The following USP15 variants were observed in gnomAD, a reference collection of about 807,000 sequenced individuals.
The protein encoded by USP15 is ubiquitin carboxyl-terminal hydrolase 15.
USP15 carries 18 observed loss-of-function variants against 127.1 expected under a neutral mutation model. The ratio of observed to expected loss-of-function variants is 0.14; its 90% CI spans 0.10 to 0.21. The LOEUF is 0.21. USP15 is among the 10% of genes least tolerant of loss of function. The probability of loss-of-function intolerance (pLI) is 1.00; values close to 1 mark genes in which losing one functional copy is unlikely to be tolerated. For missense variants in USP15, 805 were observed against 1,159.9 expected (o/e 0.69, Z 4.44); for synonymous variants, 364 against 393.7 (o/e 0.92, Z 0.89).
chr12:62,349,403 A>T (rs2065906344), intron 7 of USP15, 96 bp downstream of exon 7: 1 of 721,888 alleles, frequency 1.4e-6, no homozygotes, highest in Non-Finnish European at 2.0e-6. Flanking sequence ...AAAAGTCTTA[A>T]TGCATTAAAA....
Position 62,311,505 on chromosome 12 carries a change from A to G in USP15, c.349-3285A>G, listed in dbSNP as rs139429783. Among the ~76,000 whole-genome samples the G allele has an allele frequency of 2.6e-5, 4 of 151,940 alleles. No individual in the cohort carries two copies. The East Asian group carries it at 7.7e-4, about 29-fold the overall frequency. On this transcript the variant is annotated intron_variant, in intron 3 of 21. Coordinates refer to ENST00000280377, the MANE Select transcript of USP15 (RefSeq NM_001252078.2). ...TAATTGGGTATGAAAGTAGCCGTAA[A>G]CATAAATGAATGGGGGTTGTTGTGT...
intron 7 of USP15, among the ~76,000 whole-genome samples, chr12:62,353,630 T>C (rs1418594777): frequency 6.6e-6 from 1 of 152,048 alleles, no homozygotes; most frequent in Non-Finnish European, 1.5e-5. Context: ...TAAAATAATA[T>C]ACAGCAGATC....
chr12:62,350,317 A>T (rs144242597), intron 7 of USP15, among the ~76,000 whole-genome samples: 1 of 152,244 alleles, frequency 6.6e-6, no homozygotes, highest in African/African-American at 2.4e-5. Context: ...TTTATTTTCT[A>T]ACAGCTCAGA....
chr12:62,322,936 G>A (rs1440502502), intron 5 of USP15, among the ~76,000 whole-genome samples: 2 of 152,164 alleles, frequency 1.3e-5, no homozygotes, highest in African/African-American at 4.8e-5. Flanking sequence ...GCCTGATGAT[G>A]TAAACGTCTT....
chr12:62,345,249 C>A (rs561493079), intron 6 of USP15, among the ~76,000 whole-genome samples: 4 of 152,194 alleles, frequency 2.6e-5, no homozygotes, highest in Non-Finnish European at 5.9e-5. Context: ...TTCCCTAAAT[C>A]ATCTCTCCCA....
At chr12:62,381,450 A>C (rs2066988968) in intron 8 of USP15, 40 bp from the exon 9 acceptor site, 1 of 1,515,594 alleles carries the variant, frequency 6.6e-7, no homozygotes, top group African/African-American at 1.4e-5. Context: ...AAAATTCATT[A>C]TGATTACTTT....
intron 8 of USP15, among the ~76,000 whole-genome samples, chr12:62,364,782 A>C (rs1323263203): frequency 6.6e-6 from 1 of 150,922 alleles, no homozygotes; most frequent in East Asian, 1.9e-4. Context: ...TCATTTTTCA[A>C]CTCCCACTTA....
rs561609959 is a variant in USP15, at chr12:62,338,086, C to T, written c.684-11135C>T. Among the ~76,000 whole-genome samples, 4 of 152,272 alleles carry T rather than the reference C, an allele frequency of 2.6e-5. No individual in the cohort carries two copies. The East Asian group carries it at 7.7e-4, about 29-fold the overall frequency. On this transcript the variant is annotated intron_variant, in intron 6 of 21. Coordinates refer to ENST00000280377, the MANE Select transcript of USP15 (RefSeq NM_001252078.2). ...CTTCCACAATGGTTGAACTAATTTA[C>T]GGTCCCACCAGTAGTGTAAAAGCAT... is the stretch of plus-strand genomic sequence containing the variant.
At chr12:62,350,651 A>C (rs2065941355) in intron 7 of USP15, among the ~76,000 whole-genome samples, 1 of 152,034 alleles carries the variant, frequency 6.6e-6, no homozygotes, top group South Asian at 2.1e-4. Flanking sequence ...TTGAGGTAGG[A>C]TCTCACCCTG....
At chr12:62,362,306 T>A (rs1008744919) in intron 8 of USP15, among the ~76,000 whole-genome samples, 1 of 152,158 alleles carries the variant, frequency 6.6e-6, no homozygotes, top group South Asian at 2.1e-4. Context: ...TATATTCACA[T>A]GTTGTACAAT....
chr12:62,407,359 CAT>C lies in USP15; in HGVS notation c.*2986_*2987del, dbSNP rs1475950083. ...TCTCACTGTGTTATAGTGTCTGCCTCATAGGATTGTTGAGAGCTCAAATGAGA... is the reference window on the plus strand; with the variant it reads ...TCTCACTGTGTTATAGTGTCTGCCTCAGGATTGTTGAGAGCTCAAATGAGA... On this transcript the variant is annotated 3_prime_UTR_variant, in exon 22 of 22. Transcript: ENST00000280377. The C allele has an allele frequency of 1.3e-5, 2 of 152,198 alleles. No individual in the cohort carries two copies. Among genetic ancestry groups the C allele is most frequent in the South Asian group, 2.1e-4 (1 of 4,832 alleles). The allele number at this position is 152,198 out of a possible 1,614,324, so 9.4% of individuals were successfully genotyped here. A position where few individuals can be genotyped will look rare whatever the true frequency, so the allele number is the denominator to read the frequency against.
intron 1 of USP15, among the ~76,000 whole-genome samples, chr12:62,279,820 A>G (rs2063599302): frequency 6.6e-6 from 1 of 152,202 alleles, no homozygotes; most frequent in South Asian, 2.1e-4. Flanking sequence ...CTGTTGTGCC[A>G]GTACCTTTTA....
At chr12:62,279,754 C>T (rs2063595986) in intron 1 of USP15, among the ~76,000 whole-genome samples, 1 of 152,172 alleles carries the variant, frequency 6.6e-6, no homozygotes, top group Non-Finnish European at 1.5e-5. Flanking sequence ...TAGAAAAGAA[C>T]CGACTGCATG....
intron 8 of USP15, among the ~76,000 whole-genome samples, chr12:62,372,581 G>A (rs1344223640): frequency 1.3e-5 from 2 of 151,988 alleles, no homozygotes; most frequent in African/African-American, 2.4e-5. Flanking sequence ...TGCCTTTGCA[G>A]AAGAACTAAG....
At chr12:62,279,967 T>G (rs1477295638) in intron 1 of USP15, among the ~76,000 whole-genome samples, 1 of 152,206 alleles carries the variant, frequency 6.6e-6, no homozygotes, top group Non-Finnish European at 1.5e-5. Flanking sequence ...ATATCACATT[T>G]TCTTAATCAC....
intron 20 of USP15, 62 bp downstream of exon 20, chr12:62,396,460 C>CT: frequency 7.3e-7 from 1 of 1,367,040 alleles, no homozygotes; most frequent in Non-Finnish European, 1.0e-6. Context: ...AGACTTTTTT[C>CT]TTTAAGATAT....
chr12:62,404,196 A>G lies in USP15; in HGVS notation c.2767A>G (p.Lys923Glu). 1.2e-6 allele frequency: 2 copies of G among 1,609,994 alleles called. No homozygotes were observed. The highest frequency in any genetic ancestry group is 1.7e-6 in the Non-Finnish European group (2 of 1,178,082). The change falls in exon 22 of 22, where the codon AAA becomes GAA. Residue 923 changes from lysine (K) to glutamate (E), a missense_variant. Lys to Glu is a moderately conservative substitution (Grantham distance 56). Transcript: ENST00000280377. Reference protein sequence around the residue: ...STASEDQIVSKAAYVLFYQRQ... With the variant: ...STASEDQIVSEAAYVLFYQRQ... ...TTAACATCCTTTGTTTTGACAGTCC[A>G]AAGCAGCATATGTACTCTTCTACCA...
intron 1 of USP15, among the ~76,000 whole-genome samples, chr12:62,272,655 A>G (rs1406114441): frequency 1.3e-5 from 2 of 152,110 alleles, no homozygotes; most frequent in Admixed American, 1.3e-4. Flanking sequence ...TGCCAACTCC[A>G]AAACCTTTTA....
At chr12:62,261,879 C>T (rs1367593932) in intron 1 of USP15, among the ~76,000 whole-genome samples, 2 of 151,988 alleles carry the variant, frequency 1.3e-5, no homozygotes, top group African/African-American at 4.8e-5. Flanking sequence ...TGATAGAAAT[C>T]CCTAAGGATG....
Sources: allele counts gnomAD v4.1 joint callset (sites outside exome capture counted in the v4.1 genomes callset), GRCh38; gene constraint gnomAD v4.1.1; transcripts MANE v1.5; gene names NCBI Gene and HGNC (gene_info 2026-07-23, HGNC 2026-07-21).